Variants in GPR19 observed in about 807,000 individuals in gnomAD.
The protein encoded by GPR19 is G protein-coupled receptor 19.
A neutral mutation model predicts 28.5 loss-of-function variants in GPR19; 14 were observed. The ratio of observed to expected loss-of-function variants is 0.49; its 90% CI spans 0.32 to 0.77. GPR19 has a LOEUF of 0.77. Ranked by LOEUF, GPR19 falls within the 30% of genes least tolerant of loss-of-function variation. The pLI, the probability that GPR19 is intolerant of heterozygous loss-of-function variation, is 0.03. For missense variants in GPR19, 409 were observed against 504.1 expected (o/e 0.81, Z 1.81); for synonymous variants, 173 against 184.1 (o/e 0.94, Z 0.49).
chr12:12,693,991 G>A (rs1256277607), intron 2 of GPR19, among the ~76,000 whole-genome samples: 5 of 152,136 alleles, frequency 3.3e-5, no homozygotes, highest in Non-Finnish European at 7.4e-5. Context: ...GTGAGCCACC[G>A]TGCCTGGCCC....
At chr12:12,701,576 C>T in the GPR19 span, among the ~76,000 whole-genome samples, 2 of 152,066 alleles carry the variant, frequency 1.3e-5, no homozygotes, top group Non-Finnish European at 2.9e-5. Context: ...TTTAGTTAAT[C>T]GCCCCATTTG....
At chr12:12,696,367 T>G, upstream of GPR19, among the ~76,000 whole-genome samples, 1 of 72,150 alleles carries the variant, frequency 1.4e-5, no homozygotes, top group Non-Finnish European at 3.2e-5. Flanking sequence ...TTTTTTTTTT[T>G]TTTTTTTTGC....
chr12:12,676,493 A>G (rs1945932999), intron 3 of GPR19, among the ~76,000 whole-genome samples: 1 of 152,156 alleles, frequency 6.6e-6, no homozygotes, highest in Admixed American at 6.5e-5. Flanking sequence ...CCCAGCACTG[A>G]GAGTTTTTGA....
upstream of GPR19, among the ~76,000 whole-genome samples, chr12:12,697,502 G>A (rs2193738): frequency 0.98 from 149,421 of 152,322 alleles, 73,345 homozygotes; most frequent in East Asian, 1. Context: ...CTGGATCATT[G>A]TTATCTTAGA....
chr12:12,691,795 C>G (rs977246635), intron 2 of GPR19, among the ~76,000 whole-genome samples: 1 of 152,164 alleles, frequency 6.6e-6, no homozygotes, highest in African/African-American at 2.4e-5. Flanking sequence ...TCCACTGTCC[C>G]TTTGAAAACA....
intron 2 of GPR19, among the ~76,000 whole-genome samples, chr12:12,689,392 T>C (rs757682485): frequency 6.6e-6 from 1 of 152,120 alleles, no homozygotes; most frequent in Non-Finnish European, 1.5e-5. Flanking sequence ...GGAGGTACCC[T>C]CTCTCTCATC....
At chr12:12,705,901 G>A in the GPR19 span, among the ~76,000 whole-genome samples, 1 of 152,116 alleles carries the variant, frequency 6.6e-6, no homozygotes, top group Non-Finnish European at 1.5e-5. Context: ...AGGAAACAGT[G>A]TAAAACCAGG....
chr12:12,698,423 C>T (rs1459112097), upstream of GPR19, among the ~76,000 whole-genome samples: 1 of 152,176 alleles, frequency 6.6e-6, no homozygotes. Context: ...AATGAAAAAC[C>T]TGATGCCATC....
intron 3 of GPR19, among the ~76,000 whole-genome samples, chr12:12,670,993 C>T (rs1245932068): frequency 6.6e-6 from 1 of 151,948 alleles, no homozygotes; most frequent in African/African-American, 2.4e-5. Flanking sequence ...TTTTCAAAAG[C>T]CCATAGAATC....
At chr12:12,710,081 G>A in the GPR19 span, among the ~76,000 whole-genome samples, 1 of 152,150 alleles carries the variant, frequency 6.6e-6, no homozygotes, top group African/African-American at 2.4e-5. Context: ...GCCAGGTGCG[G>A]TGGCTCACAC....
upstream of GPR19, among the ~76,000 whole-genome samples, chr12:12,700,161 TTC>T (rs10689575): frequency 6.9e-6 from 1 of 145,534 alleles, no homozygotes; most frequent in Admixed American, 6.8e-5. Flanking sequence ...CTCTCTTTCT[TTC>T]TCTCTCTCTC....
At chr12:12,700,038 C>A (rs901228160), upstream of GPR19, among the ~76,000 whole-genome samples, 1 of 150,380 alleles carries the variant, frequency 6.6e-6, no homozygotes, top group African/African-American at 2.5e-5. Flanking sequence ...GTCTTGAACA[C>A]CTGGCCTCAA....
chr12:12,684,168 T>C (rs1040939950), intron 3 of GPR19, 183 bp downstream of exon 3: 1 of 152,182 alleles, frequency 6.6e-6, no homozygotes, highest in African/African-American at 2.4e-5. Context: ...AACTGACACA[T>C]ACTCTGATGA....
chr12:12,678,599 C>A (rs1482926161), intron 3 of GPR19, among the ~76,000 whole-genome samples: 1 of 152,156 alleles, frequency 6.6e-6, no homozygotes, highest in East Asian at 1.9e-4. Flanking sequence ...TTTCTTGATC[C>A]ATAAAGTCAC....
At chr12:12,672,890 A>T (rs1290823634) in intron 3 of GPR19, among the ~76,000 whole-genome samples, 1 of 152,262 alleles carries the variant, frequency 6.6e-6, no homozygotes, top group African/African-American at 2.4e-5. Context: ...CTGGGGACAC[A>T]GACATTATAA....
chr12:12,680,694 CT>C (rs113142716), intron 3 of GPR19, among the ~76,000 whole-genome samples: 1,548 of 139,308 alleles, frequency 0.011, 3 homozygotes, highest in Non-Finnish European at 0.016. Context: ...CTCCCTATGA[CT>C]TTTTTTTTTT....
rs984690362 is a variant in GPR19, at chr12:12,661,876, A to G, written c.573T>C (p.Asp191=). 3.1e-6 allele frequency: 5 copies of G among 1,614,234 alleles called. No homozygotes were observed. The highest frequency in any genetic ancestry group is 4.2e-6 in the Non-Finnish European group (5 of 1,180,030). The change falls in exon 4 of 4, where the codon GAT becomes GAC. Residue 191 remains aspartate, a synonymous_variant. Transcript: ENST00000651487. This position sits in a 1 kb window ranked among gnomAD's most constrained non-coding sequence, Gnocchi z 4.2. ...AGAGCACAGGGGTCACAAAGCCTGCATCAAAGACCCACGATGCCGCAATCA... is the reference window on the plus strand; with the variant it reads ...AGAGCACAGGGGTCACAAAGCCTGCGTCAAAGACCCACGATGCCGCAATCA... ...KKMIAASWVF[D]AGFVTPVLFF...
chr12:12,667,055 T>A (rs1450606097), intron 3 of GPR19, among the ~76,000 whole-genome samples: 2 of 152,116 alleles, frequency 1.3e-5, no homozygotes, highest in African/African-American at 2.4e-5. Flanking sequence ...AGGCCTCCCC[T>A]GCTCCATTAA....
At chr12:12,691,431 A>C (rs1262708065) in intron 2 of GPR19, among the ~76,000 whole-genome samples, 4 of 152,170 alleles carry the variant, frequency 2.6e-5, no homozygotes, top group Non-Finnish European at 5.9e-5. Context: ...TCCGTGGCTT[A>C]GACTTGACAG....
Sources: gnomAD v4.1 joint callset for allele counts (sites outside exome capture counted in the v4.1 genomes callset) on GRCh38, gnomAD v4.1.1 for gene constraint, Gnocchi (gnomAD v3.1) non-coding constraint, MANE v1.5 for transcripts, NCBI Gene and HGNC (gene_info 2026-07-23, HGNC 2026-07-21) for gene names.